PTPRM: variants seen among roughly 807,000 people sequenced by gnomAD.
PTPRM encodes the protein receptor-type tyrosine-protein phosphatase mu.
PTPRM carries 47 observed loss-of-function variants against 186.7 expected under a neutral mutation model. That is an observed-to-expected ratio of 0.25 (90% CI 0.20 to 0.32). The LOEUF (loss-of-function observed/expected upper bound fraction) is 0.32. Among genes scored for constraint, PTPRM ranks in the 10% least tolerant of loss-of-function variants. The pLI is 1.00. For synonymous variants in PTPRM, 668 were observed against 674.9 expected (o/e 0.99, Z 0.16); for missense variants, 1,494 against 1,865.0 (o/e 0.80, Z 3.66).
At chr18:7,630,563 A>G (rs2038167754) in intron 1 of PTPRM, among the ~76,000 whole-genome samples, 1 of 152,182 alleles carries the variant, frequency 6.6e-6, no homozygotes, top group Admixed American at 6.5e-5. Context: ...GGAGGTTTTT[A>G]AACATTTTTA....
chr18:8,175,350 G>T (rs1228846917), intron 14 of PTPRM, among the ~76,000 whole-genome samples: 1 of 152,090 alleles, frequency 6.6e-6, no homozygotes, highest in Non-Finnish European at 1.5e-5. Flanking sequence ...TCTACAACTG[G>T]AGTGAATAAA....
At chr18:7,975,298 A>G (rs1244093260) in intron 7 of PTPRM, among the ~76,000 whole-genome samples, 1 of 152,252 alleles carries the variant, frequency 6.6e-6, no homozygotes, top group African/African-American at 2.4e-5. Flanking sequence ...ACTTATGTCA[A>G]CACAAAAACT....
At chr18:7,789,353 A>G (rs1011499458) in intron 2 of PTPRM, among the ~76,000 whole-genome samples, 1 of 151,598 alleles carries the variant, frequency 6.6e-6, no homozygotes, top group Non-Finnish European at 1.5e-5. Context: ...ATTATTATTA[A>G]TATTGTCTTG....
intron 1 of PTPRM, among the ~76,000 whole-genome samples, chr18:7,652,326 A>G (rs922168965): frequency 1.7e-4 from 26 of 152,282 alleles, no homozygotes; most frequent in African/African-American, 6.3e-4. Context: ...TAGTTCAACC[A>G]TTGTGGAAGT....
At chr18:8,292,706 C>T (rs2095055133) in intron 19 of PTPRM, among the ~76,000 whole-genome samples, 1 of 152,174 alleles carries the variant, frequency 6.6e-6, no homozygotes, top group East Asian at 1.9e-4. Flanking sequence ...ACTTTTCCTG[C>T]AGTGGCTCCC....
intron 7 of PTPRM, among the ~76,000 whole-genome samples, chr18:7,956,325 T>G (rs1045440735): frequency 6.6e-6 from 1 of 152,234 alleles, no homozygotes; most frequent in African/African-American, 2.4e-5. Flanking sequence ...TCAGATTCTA[T>G]CTGGTAGGAG....
chr18:7,570,710 T>C (rs556879674), intron 1 of PTPRM, among the ~76,000 whole-genome samples: 2 of 152,056 alleles, frequency 1.3e-5, no homozygotes, highest in South Asian at 4.2e-4. Context: ...ACTCAGACAT[T>C]ATCTACACAA....
Position 8,336,001 on chromosome 18 carries a change from G to A in PTPRM, c.2957-7422G>A, listed in dbSNP as rs143249846. Reference sequence around the variant, plus strand: ...CGCGCCACCGCACTCCAGCCTGGGTGACAGAGAGAGACTCTGTCTCATAAA... The same window carrying A: ...CGCGCCACCGCACTCCAGCCTGGGTAACAGAGAGAGACTCTGTCTCATAAA... On this transcript the variant is annotated intron_variant, in intron 22 of 32. Coordinates refer to ENST00000580170, the MANE Select transcript of PTPRM (RefSeq NM_001105244.2). 8.9e-3 allele frequency among the ~76,000 whole-genome samples: 1,354 copies of A among 151,292 alleles called. 6 individuals are homozygous for A. The highest frequency in any genetic ancestry group is 0.014 in the African/African-American group (594 of 41,236).
At chr18:8,216,041 G>A (rs987379056) in intron 14 of PTPRM, among the ~76,000 whole-genome samples, 3 of 152,202 alleles carry the variant, frequency 2.0e-5, no homozygotes, top group African/African-American at 7.2e-5. Flanking sequence ...TCACAGGAGA[G>A]TGCAGTTCTC....
At chr18:7,918,501 A>AT (rs2050688961) in intron 4 of PTPRM, among the ~76,000 whole-genome samples, 2 of 151,938 alleles carry the variant, frequency 1.3e-5, no homozygotes, top group African/African-American at 2.4e-5. Flanking sequence ...GAGGTTGAAC[A>AT]TTTTTTTTCC....
At chr18:8,218,068 TG>T (rs1158731142) in intron 14 of PTPRM, among the ~76,000 whole-genome samples, 1 of 152,186 alleles carries the variant, frequency 6.6e-6, no homozygotes, top group Non-Finnish European at 1.5e-5. Flanking sequence ...CTCATTAAAC[TG>T]ACAGCAGAAA....
At chr18:8,230,688 A>G (rs1332324766) in intron 14 of PTPRM, among the ~76,000 whole-genome samples, 2 of 152,186 alleles carry the variant, frequency 1.3e-5, no homozygotes, top group South Asian at 2.1e-4. Flanking sequence ...AAATTTTTGT[A>G]ATTACTATTT....
At chr18:8,022,610 G>A (rs76524530) in intron 7 of PTPRM, among the ~76,000 whole-genome samples, 3,264 of 152,180 alleles carry the variant, frequency 0.021, 100 homozygotes, top group African/African-American at 0.074. Context: ...CATGCATATG[G>A]TTAGGAAGTG....
intron 3 of PTPRM, 85 bp from the exon 4 acceptor site, chr18:7,906,420 G>A (rs577899680): frequency 5.5e-5 from 57 of 1,030,942 alleles, no homozygotes; most frequent in South Asian, 5.2e-4. Context: ...AAGAATAAAC[G>A]AAATTATGTG....
At position 8,354,057 on chromosome 18, in the gene PTPRM, C is replaced by CA. The variant is rs778018449; in HGVS notation, c.3054+10543dup. The stretch of plus-strand genomic sequence containing the variant: ...TGAAACCCCATCTCTACTAAAACCA[C>CA]AAAAAATTAGCTGGGCGTGGTGGCG... On this transcript the variant is annotated intron_variant, in intron 23 of 32. Coordinates refer to ENST00000580170, the MANE Select transcript of PTPRM (RefSeq NM_001105244.2). 4.6e-5 allele frequency among the ~76,000 whole-genome samples: 7 copies of CA among 151,930 alleles called. No homozygotes were observed. In the South Asian group the frequency reaches 1.2e-3, roughly 27 times the overall value.
intron 22 of PTPRM, among the ~76,000 whole-genome samples, chr18:8,342,656 TC>T (rs2095481506): frequency 6.6e-6 from 1 of 152,228 alleles, no homozygotes; most frequent in African/African-American, 2.4e-5. Context: ...ATTTATACCC[TC>T]AAGTATGCAT....
chr18:8,272,502 C>G (rs1028836963), intron 19 of PTPRM, among the ~76,000 whole-genome samples: 2 of 151,864 alleles, frequency 1.3e-5, no homozygotes, highest in East Asian at 3.9e-4. Context: ...GACAGTATTT[C>G]TATTATCATT....
At chr18:8,015,020 A>G (rs955859990) in intron 7 of PTPRM, among the ~76,000 whole-genome samples, 2 of 152,186 alleles carry the variant, frequency 1.3e-5, no homozygotes, top group South Asian at 4.1e-4. Context: ...TATTCTGATA[A>G]GCTCACCAAA....
chr18:7,794,886 TA>T (rs1027184539), intron 2 of PTPRM, among the ~76,000 whole-genome samples: 15 of 152,180 alleles, frequency 9.9e-5, no homozygotes, highest in Admixed American at 3.9e-4. Context: ...TCCCTGGGGA[TA>T]AATCAGGTAT....
Sources: allele counts gnomAD v4.1 joint callset (sites outside exome capture counted in the v4.1 genomes callset), GRCh38; gene constraint gnomAD v4.1.1; transcripts MANE v1.5; gene names NCBI Gene and HGNC (gene_info 2026-07-23, HGNC 2026-07-21).